PPP2R2C: variants seen among roughly 807,000 people sequenced by gnomAD.
PPP2R2C encodes protein phosphatase 2 regulatory subunit Bgamma.
In PPP2R2C, 10 loss-of-function variants were observed where a neutral mutation model predicts 45.3. The observed-to-expected ratio is 0.22, with a 90% confidence interval of 0.14 to 0.37. PPP2R2C has a LOEUF of 0.37. PPP2R2C is among the 10% of genes least tolerant of loss of function. The pLI is 1.00. For synonymous variants in PPP2R2C, 257 were observed against 245.4 expected, an observed-to-expected ratio of 1.05 and a Z score of -0.44; for missense variants, 308 against 619.7, an observed-to-expected ratio of 0.50 and a Z score of 5.34.
At chr4:6,420,708 A>C (rs984896248) in intron 1 of PPP2R2C, among the ~76,000 whole-genome samples, 2 of 152,180 alleles carry the variant, frequency 1.3e-5, no homozygotes, top group Non-Finnish European at 2.9e-5. Context: ...TCACAGAGCA[A>C]AAATGGAAAA....
chr4:6,441,209 C>T (rs759083646), intron 1 of PPP2R2C, among the ~76,000 whole-genome samples: 4 of 152,056 alleles, frequency 2.6e-5, no homozygotes, highest in Non-Finnish European at 5.9e-5. Context: ...ACCTCAGGGC[C>T]CTCATGCATG....
chr4:6,545,723 G>T (rs192533623), intron 1 of PPP2R2C, among the ~76,000 whole-genome samples: 352 of 152,332 alleles, frequency 2.3e-3, no homozygotes, highest in Middle Eastern at 0.017. Flanking sequence ...CTTGTTAGCT[G>T]GGGCACCTCG....
intron 6 of PPP2R2C, among the ~76,000 whole-genome samples, chr4:6,342,543 C>T (rs1733536587): frequency 6.6e-6 from 1 of 152,230 alleles, no homozygotes. Flanking sequence ...CGTTGGGGGC[C>T]TATGAAGGGT....
chr4:6,444,051 C>T (rs549479315), intron 1 of PPP2R2C, among the ~76,000 whole-genome samples: 32 of 152,232 alleles, frequency 2.1e-4, no homozygotes, highest in Admixed American at 1.3e-3. Context: ...GCCCTCTGCC[C>T]GTGACAGAGT....
chr4:6,393,176 A>T (rs1716773959), intron 1 of PPP2R2C, among the ~76,000 whole-genome samples: 1 of 152,060 alleles, frequency 6.6e-6, no homozygotes, highest in Admixed American at 6.6e-5. Flanking sequence ...CCGCCCCAAA[A>T]AGAAACTCAG....
chr4:6,416,485 T>C (rs1241083217), intron 1 of PPP2R2C, among the ~76,000 whole-genome samples: 4 of 152,138 alleles, frequency 2.6e-5, no homozygotes, highest in Non-Finnish European at 5.9e-5. Context: ...AGCTCAGCAC[T>C]TGCCACCAGG....
chr4:6,494,948 T>C (rs1202394120), intron 2 of PPP2R2C, among the ~76,000 whole-genome samples: 1 of 152,184 alleles, frequency 6.6e-6, no homozygotes, highest in Non-Finnish European at 1.5e-5. Flanking sequence ...CCCAGGAACA[T>C]ACTGTTGGGA....
rs1341477253 is a variant in PPP2R2C at position 6,321,652 on chromosome 4, C to G, written c.*1650G>C. 3 of 115,876 alleles carry G rather than the reference C, an allele frequency of 2.6e-5. No individual in the cohort carries two copies. The East Asian group carries it at 1.1e-3, about 44-fold the overall frequency. The allele number at this position is 115,876 out of a possible 1,614,324, so 7.2% of individuals were successfully genotyped here. A position where few individuals can be genotyped will look rare whatever the true frequency, so the allele number is the denominator to read the frequency against. On this transcript the variant is annotated 3_prime_UTR_variant, in exon 9 of 9. Transcript: ENST00000382599. ...GGGTTATGTTATATCTTGTAAAAAA[C>G]AAAACAAAACAAAACCAAAAAAAAA...
At chr4:6,495,314 T>C (rs1722845223) in intron 2 of PPP2R2C, among the ~76,000 whole-genome samples, 1 of 152,214 alleles carries the variant, frequency 6.6e-6, no homozygotes, top group African/African-American at 2.4e-5. Context: ...GAAGGACAGT[T>C]GGCCCCAGAA....
chr4:6,560,850 C>G (rs1273042195), intron 1 of PPP2R2C, among the ~76,000 whole-genome samples: 1 of 152,226 alleles, frequency 6.6e-6, no homozygotes, highest in African/African-American at 2.4e-5. Context: ...GAGCATGGAG[C>G]GTGTGCTCCT....
At chr4:6,537,624 C>G (rs143817700) in intron 1 of PPP2R2C, among the ~76,000 whole-genome samples, 2,994 of 149,908 alleles carry the variant, frequency 0.02, 79 homozygotes, top group African/African-American at 0.069. Context: ...CATCTCGGCT[C>G]ACTGTAAGCT....
chr4:6,358,036 C>T (rs182855983), intron 5 of PPP2R2C, among the ~76,000 whole-genome samples: 50 of 152,296 alleles, frequency 3.3e-4, no homozygotes, highest in African/African-American at 8.7e-4. Flanking sequence ...CAAGACAATC[C>T]TAAGCAAAAG....
chr4:6,477,465 G>T (rs919970671), upstream of PPP2R2C, among the ~76,000 whole-genome samples: 1 of 152,070 alleles, frequency 6.6e-6, no homozygotes, highest in Admixed American at 6.5e-5. Flanking sequence ...GGTGCCTCAC[G>T]CCTGTAATCC....
Position 6,447,408 on chromosome 4 carries a change from G to A in PPP2R2C, c.70+24752C>T, listed in dbSNP as rs1040868810. ...ATCTCGGGCTGTTGTTCTTCCCTGC[G>A]GAGGAAGAGCTCCGGATAAATGTGA... is the stretch of plus-strand genomic sequence containing the variant. On this transcript the variant is annotated intron_variant, in intron 1 of 8. Coordinates refer to ENST00000382599, the MANE Select transcript of PPP2R2C (RefSeq NM_020416.4). Among the ~76,000 whole-genome samples the A allele has an allele frequency of 4.6e-5, 7 of 152,184 alleles. No individual in the cohort carries two copies. In the East Asian group the frequency reaches 5.8e-4, roughly 13 times the overall value.
chr4:6,410,011 T>A, intron 1 of PPP2R2C, among the ~76,000 whole-genome samples: 1 of 152,206 alleles, frequency 6.6e-6, no homozygotes, highest in East Asian at 1.9e-4. Context: ...ATCATCTGCA[T>A]GACATGTGTC....
rs950526124 is a variant in PPP2R2C, at chr4:6,378,676, C to T, written c.169-104G>A. On this transcript the variant is annotated intron_variant, in intron 2 of 8. Transcript: ENST00000382599. This position sits in a 1 kb window ranked among gnomAD's most constrained non-coding sequence, Gnocchi z 5.2. ...GCCGGCCGTGGGACCAAGTGCCGAG[C>T]CGTGCCAGGGATCCAATTCGAGGGT... 9.0e-5 allele frequency: 111 copies of T among 1,229,732 alleles called. No individual in the cohort carries two copies. The highest frequency in any genetic ancestry group is 4.9e-4 in the South Asian group (34 of 69,262). The allele number at this position is 1,229,732 out of a possible 1,614,324, so 76.2% of individuals were successfully genotyped here. A position where few individuals can be genotyped will look rare whatever the true frequency, so the allele number is the denominator to read the frequency against.
At chr4:6,433,351 A>G (rs1445528905) in intron 1 of PPP2R2C, among the ~76,000 whole-genome samples, 1 of 152,164 alleles carries the variant, frequency 6.6e-6, no homozygotes. Flanking sequence ...TTGCTTTCAT[A>G]TCCATTTCCA....
rs535007212 is a variant in PPP2R2C at position 6,364,142 on chromosome 4, C to T, written c.625+8381G>A. Among the ~76,000 whole-genome samples, 23 of 152,192 alleles carry T rather than the reference C, an allele frequency of 1.5e-4. No individual in the cohort carries two copies. Among genetic ancestry groups the T allele is most frequent in the African/African-American group, 5.3e-4 (22 of 41,532 alleles). On this transcript the variant is annotated intron_variant, in intron 5 of 8. Coordinates refer to ENST00000382599, the MANE Select transcript of PPP2R2C (RefSeq NM_020416.4). The surrounding 1 kb of genome is among the most constrained non-coding windows in gnomAD (Gnocchi z 5.3). Reference sequence around the variant, plus strand: ...AGGCCAAGCCTCTAGGGAAGGGGCTCGAGGGAGTCATGGAGGGGATGGACT... The same window carrying T: ...AGGCCAAGCCTCTAGGGAAGGGGCTTGAGGGAGTCATGGAGGGGATGGACT...
At position 6,472,286 on chromosome 4, in the gene PPP2R2C, G is replaced by C; in HGVS notation, c.-57C>G. On this transcript the variant is annotated 5_prime_UTR_variant, in exon 1 of 9. Transcript: ENST00000382599. ...CCGCCGCCACACACCGATGCAATCC[G>C]CAGAGGTCGCGCCGGGCGCGCGGGC... 1.2e-6 allele frequency: 2 copies of C among 1,603,012 alleles called. No individual in the cohort carries two copies. Among genetic ancestry groups the C allele is most frequent in the African/African-American group, 2.7e-5 (2 of 74,346 alleles).
Sources: gnomAD v4.1 joint callset for allele counts (sites outside exome capture counted in the v4.1 genomes callset) on GRCh38, gnomAD v4.1.1 for gene constraint, Gnocchi (gnomAD v3.1) non-coding constraint, MANE v1.5 for transcripts, NCBI Gene and HGNC (gene_info 2026-07-23, HGNC 2026-07-21) for gene names.